NHSL1: variants seen among roughly 807,000 people sequenced by gnomAD.
The protein encoded by NHSL1 is NHS like 1, also known as NHS-like protein 1.
Under a neutral mutation model 95.0 loss-of-function variants are expected in NHSL1, and 48 were observed. The observed-to-expected ratio is 0.51, with a 90% CI of 0.40 to 0.64. The LOEUF (loss-of-function observed/expected upper bound fraction) is 0.64, where lower values mean the gene tolerates loss of function less well. Among genes scored for constraint, NHSL1 ranks in the 30% least tolerant of loss-of-function variants. NHSL1 has a pLI of 0.00. For synonymous variants in NHSL1, 783 were observed against 833.9 expected (o/e 0.94, Z 1.05); for missense variants, 1,971 against 2,077.7 (o/e 0.95, Z 1.00).
intron 3 of NHSL1, among the ~76,000 whole-genome samples, chr6:138,469,134 C>T (rs963030809): frequency 1.3e-5 from 2 of 152,122 alleles, no homozygotes; most frequent in Admixed American, 6.6e-5. Context: ...TAGTGAATGG[C>T]AGGAAGGGCC....
At chr6:138,595,504 G>T (rs944884769) in intron 1 of NHSL1, among the ~76,000 whole-genome samples, 1 of 152,178 alleles carries the variant, frequency 6.6e-6, no homozygotes, top group South Asian at 2.1e-4. Flanking sequence ...TGTGCCCCGG[G>T]AGTTCTAGGC....
rs1785541162 is a variant in NHSL1, at chr6:138,683,624, CCTCAT to C, written c.96+8847_96+8851del. Among the ~76,000 whole-genome samples the C allele has an allele frequency of 2.0e-5, 3 of 152,294 alleles. No individual in the cohort carries two copies. In the South Asian group the frequency reaches 6.2e-4, roughly 32 times the overall value. On this transcript the variant is annotated intron_variant, in intron 1 of 3. Transcript: ENST00000491526. ...ACAGGTTTTCACTGTATCTTCCTGG[CCTCAT>C]CTGAGTATGGGAAGGTCATAATTTG...
At chr6:138,625,177 T>A (rs1232777504) in intron 1 of NHSL1, among the ~76,000 whole-genome samples, 1 of 152,168 alleles carries the variant, frequency 6.6e-6, no homozygotes, top group Non-Finnish European at 1.5e-5. Flanking sequence ...AGGGTCTTGC[T>A]CTGTTACTCA....
chr6:138,599,488 G>A (rs1234044808), intron 1 of NHSL1, among the ~76,000 whole-genome samples: 1 of 152,012 alleles, frequency 6.6e-6, no homozygotes, highest in East Asian at 1.9e-4. Context: ...CTCCAGCCTG[G>A]GGAACACAGC....
Position 138,685,520 on chromosome 6 carries a change from G to A in NHSL1, c.96+6956C>T, listed in dbSNP as rs78025864. Among the ~76,000 whole-genome samples the A allele has an allele frequency of 8.6e-3, 1,314 of 151,954 alleles. 11 individuals are homozygous for A. Among genetic ancestry groups the A allele is most frequent in the South Asian group, 0.013 (61 of 4,808 alleles). On this transcript the variant is annotated intron_variant, in intron 1 of 3. Transcript: ENST00000491526. The stretch of plus-strand genomic sequence containing the variant: ...AGTGACTAATCCCTCAACATGTGAC[G>A]ATCCACGCACTCTATGTGAATAAAA...
In NHSL1 at chr6:138,431,912, C is replaced by G; in HGVS notation, c.2433G>C (p.Gly811=). Residue 811 remains glycine (G), a synonymous_variant, in exon 6 of 8, where the codon GGG becomes GGC. Coordinates refer to ENST00000343505, the MANE Select transcript of NHSL1 (RefSeq NM_001144060.2). The surrounding 1 kb of genome is among the most constrained non-coding windows in gnomAD (Gnocchi z 4.0). The stretch of plus-strand genomic sequence containing the variant: ...ACCCTTCTTGGACATGGCGGACTGG[C>G]CCGTTCCCAGTGGGCACCCCACTGC... The part of the protein sequence containing the change: ...STSSGVPTGN[G]PVRHVQEGSR... The G allele has an allele frequency of 6.4e-7, 1 of 1,551,728 alleles. No homozygotes were observed. The highest frequency in any genetic ancestry group is 1.2e-5 in the South Asian group (1 of 84,066).
chr6:138,456,049 C>G (rs1777591670), intron 3 of NHSL1, among the ~76,000 whole-genome samples: 1 of 152,206 alleles, frequency 6.6e-6, no homozygotes, highest in Non-Finnish European at 1.5e-5. Flanking sequence ...AAGGGTTTCA[C>G]AAACATTAAT....
upstream of NHSL1, chr6:138,545,828 A>C (rs1056307666): frequency 5.2e-6 from 6 of 1,164,160 alleles, 1 homozygote; most frequent in Admixed American, 1.2e-4. Flanking sequence ...ACACCTCCCT[A>C]TCTCTCCTGG....
chr6:138,627,079 TAGG>T (rs1013694011), intron 1 of NHSL1, among the ~76,000 whole-genome samples: 7 of 152,240 alleles, frequency 4.6e-5, no homozygotes, highest in African/African-American at 1.7e-4. Flanking sequence ...AGGGAAATAA[TAGG>T]ATTAATGAGA....
chr6:138,428,722 G>C (rs1054158572), intron 7 of NHSL1, among the ~76,000 whole-genome samples: 1 of 152,148 alleles, frequency 6.6e-6, no homozygotes, highest in Non-Finnish European at 1.5e-5. Flanking sequence ...AATTGGGAAA[G>C]CAGTGCTGAC....
chr6:138,550,213 T>G (rs531434960), upstream of NHSL1, among the ~76,000 whole-genome samples: 85 of 152,168 alleles, frequency 5.6e-4, 1 homozygote, highest in South Asian at 0.017. Flanking sequence ...TATTCCAGCC[T>G]GGGCAACAGA....
At position 138,523,016 on chromosome 6, in the gene NHSL1, T is replaced by C. The variant is rs143115161; in HGVS notation, c.16+22607A>G. Among the ~76,000 whole-genome samples, 919 of 152,242 alleles carry C rather than the reference T, an allele frequency of 6.0e-3. 21 individuals carry two copies. The highest frequency in any genetic ancestry group is 0.047 in the Admixed American group (722 of 15,272). Reference sequence around the variant, plus strand: ...TTAATAAAATAAAAGGAAGGGTCTCTGTCCCCCCACCCCCACCCTTTCATG... The same window carrying C: ...TTAATAAAATAAAAGGAAGGGTCTCCGTCCCCCCACCCCCACCCTTTCATG... On this transcript the variant is annotated intron_variant, in intron 1 of 4. Transcript: ENST00000342260.
exon 1 of NHSL1, chr6:138,572,040 G>T (rs761012366): frequency 7.4e-6 from 5 of 678,280 alleles, no homozygotes; most frequent in African/African-American, 1.8e-5. Context: ...GTCAGGCACC[G>T]CATTATCCAA....
intron 1 of NHSL1, among the ~76,000 whole-genome samples, chr6:138,532,612 A>G (rs1183902689): frequency 6.6e-6 from 1 of 152,024 alleles, no homozygotes; most frequent in Non-Finnish European, 1.5e-5. Flanking sequence ...ATCTCATTTG[A>G]TCCCCCACAA....
intron 1 of NHSL1, among the ~76,000 whole-genome samples, chr6:138,635,950 TAA>T (rs930630887): frequency 8.2e-4 from 77 of 94,344 alleles, no homozygotes; most frequent in South Asian, 6.8e-3. Context: ...CCGTCTCTAC[TAA>T]AAAAAAAAAA....
intron 1 of NHSL1, among the ~76,000 whole-genome samples, chr6:138,511,652 T>C (rs1781235929): frequency 6.6e-6 from 1 of 152,012 alleles, no homozygotes; most frequent in Non-Finnish European, 1.5e-5. Context: ...AGAAAAATAA[T>C]AGGCCAGGCA....
At position 138,431,989 on chromosome 6, in the gene NHSL1, A is replaced by C. The variant is rs369479359; in HGVS notation, c.2356T>G (p.Tyr786Asp). ...YTDPWGYYIDYTGMQEDPGNP... is the reference protein window; with the variant it reads ...YTDPWGYYIDDTGMQEDPGNP... The stretch of plus-strand genomic sequence containing the variant: ...CCCGGATCTTCCTGCATGCCCGTGT[A>C]GTCAATGTAATAACCCCAGGGGTCC... The change falls in exon 6 of 8, where the codon TAC (tyrosine) becomes GAC (aspartate). Residue 786 changes from tyrosine (Y) to aspartate (D), a missense_variant. By Grantham distance (160) the Tyr-to-Asp change is radical. Around this residue, in one of 3 missense-constraint regions of NHSL1, gnomAD observed 1,602 missense variants for 1,654.5 expected, o/e 0.97. Transcript: ENST00000343505. The surrounding 1 kb of genome is among the most constrained non-coding windows in gnomAD (Gnocchi z 4.0). 5.7e-5 allele frequency: 89 copies of C among 1,551,716 alleles called. No individual in the cohort carries two copies. The African/African-American group carries it at 1.1e-3, about 19-fold the overall frequency.
intron 1 of NHSL1, among the ~76,000 whole-genome samples, chr6:138,677,621 T>A (rs1210794528): frequency 2.0e-5 from 3 of 152,154 alleles, no homozygotes; most frequent in Non-Finnish European, 4.4e-5. Flanking sequence ...AAGAACCCTC[T>A]GGAAATTTAG....
intron 1 of NHSL1, among the ~76,000 whole-genome samples, chr6:138,590,193 T>A (rs1055386358): frequency 1.3e-5 from 2 of 152,176 alleles, no homozygotes; most frequent in Admixed American, 6.5e-5. Flanking sequence ...AGACAGGGTT[T>A]CACCTTGTTG....
Sources: gnomAD v4.1 joint callset for allele counts (sites outside exome capture counted in the v4.1 genomes callset) on GRCh38, gnomAD v4.1.1 for gene constraint, gnomAD v4.1.1 regional missense constraint, Gnocchi (gnomAD v3.1) non-coding constraint, MANE v1.5 for transcripts, NCBI Gene and HGNC (gene_info 2026-07-23, HGNC 2026-07-21) for gene names.